FEZ1: variants seen among roughly 807,000 people sequenced by gnomAD.
The protein encoded by FEZ1 is fasciculation and elongation protein zeta 1.
Under a neutral mutation model 49.3 loss-of-function variants are expected in FEZ1, and 20 were observed. That is an observed-to-expected ratio of 0.41 (90% CI 0.29 to 0.59). FEZ1 has a LOEUF of 0.59. Among genes scored for constraint, FEZ1 ranks in the 20% least tolerant of loss-of-function variants. The pLI is 0.36. For synonymous variants in FEZ1, 170 were observed against 180.9 expected (o/e 0.94, Z 0.48); for missense variants, 413 against 476.0 (o/e 0.87, Z 1.23).
intron 1 of FEZ1, among the ~76,000 whole-genome samples, chr11:125,493,526 G>GA (rs1417466836): frequency 6.7e-6 from 1 of 150,138 alleles, no homozygotes; most frequent in African/African-American, 2.5e-5. Flanking sequence ...AAGAAAGAAA[G>GA]AAAGAAAGAA....
rs115447771 is a variant in FEZ1, at chr11:125,485,349, G to A, written c.312-3716C>T. ...CAGAGTATGAGCAAACCCAGTGGAG[G>A]AGGGTGGAGACTGGGGGGTGCCAGG... On this transcript the variant is annotated intron_variant, in intron 2 of 9. Coordinates refer to ENST00000278919, the MANE Select transcript of FEZ1 (RefSeq NM_005103.5). 5.1e-3 allele frequency among the ~76,000 whole-genome samples: 771 copies of A among 152,246 alleles called. 6 individuals are homozygous for A. Among genetic ancestry groups the A allele is most frequent in the Middle Eastern group, 0.027 (8 of 294 alleles).
rs775562587 is a variant in FEZ1, at chr11:125,444,784, G to C, written c.*1311C>G. On this transcript the variant is annotated 3_prime_UTR_variant, in exon 10 of 10. Transcript: ENST00000278919. ...CACTGGATAAGAAACCTAAATGCCA[G>C]CCTGACTCTACCACTTCCTACACAG... 5.3e-5 allele frequency among the ~76,000 whole-genome samples: 8 copies of C among 152,188 alleles called. No homozygotes were observed. Among genetic ancestry groups the C allele is most frequent in the Non-Finnish European group, 1.2e-4 (8 of 68,030 alleles).
chr11:125,490,984 C>A (rs1957375907), intron 1 of FEZ1, among the ~76,000 whole-genome samples: 1 of 152,104 alleles, frequency 6.6e-6, no homozygotes, highest in South Asian at 2.1e-4. Context: ...GAACTCCTGA[C>A]CTCAGGTGAT....
intron 3 of FEZ1, among the ~76,000 whole-genome samples, chr11:125,479,444 C>G (rs987736513): frequency 6.6e-6 from 1 of 152,152 alleles, no homozygotes; most frequent in Non-Finnish European, 1.5e-5. Flanking sequence ...TGTCAAATTT[C>G]CTTCACAACT....
At chr11:125,474,674 G>T (rs1412892134) in intron 3 of FEZ1, among the ~76,000 whole-genome samples, 1 of 152,026 alleles carries the variant, frequency 6.6e-6, no homozygotes, top group Non-Finnish European at 1.5e-5. Flanking sequence ...CGGATCACAA[G>T]GTCAGGAGTT....
intron 1 of FEZ1, among the ~76,000 whole-genome samples, chr11:125,491,595 C>T (rs138496220): frequency 7.8e-4 from 119 of 152,260 alleles, no homozygotes; most frequent in Admixed American, 2.6e-3. Flanking sequence ...TAGTTAGGTG[C>T]TCAAATTGGA....
At chr11:125,449,466 ATAAG>A (rs1176745565) in intron 8 of FEZ1, among the ~76,000 whole-genome samples, 1 of 151,064 alleles carries the variant, frequency 6.6e-6, no homozygotes, top group Non-Finnish European at 1.5e-5. Context: ...GAAAAGAAAA[ATAAG>A]AGAGAGCTAT....
intron 5 of FEZ1, among the ~76,000 whole-genome samples, chr11:125,457,492 GTATA>G (rs745548707): frequency 3.5e-5 from 1 of 28,442 alleles, no homozygotes; most frequent in Non-Finnish European, 8.0e-5. Context: ...ACATATATGT[GTATA>G]TATGTATATA....
intron 8 of FEZ1, among the ~76,000 whole-genome samples, chr11:125,450,029 G>T (rs1200462135): frequency 7.0e-6 from 1 of 143,640 alleles, no homozygotes; most frequent in Admixed American, 7.0e-5. Flanking sequence ...TTTCTTCTGG[G>T]TTTTTTTTTT....
intron 5 of FEZ1, among the ~76,000 whole-genome samples, chr11:125,457,883 C>T (rs1206776717): frequency 2.0e-5 from 3 of 152,144 alleles, no homozygotes; most frequent in Non-Finnish European, 2.9e-5. Flanking sequence ...CTGCTTTGCC[C>T]GGATATTTGC....
At chr11:125,453,405 C>T (rs1334285475) in intron 7 of FEZ1, 1 of 152,158 alleles carries the variant, frequency 6.6e-6, no homozygotes, top group Non-Finnish European at 1.5e-5. Flanking sequence ...TCTCTAGACT[C>T]TCTAGAATTC....
chr11:125,452,309 C>A (rs751491750), intron 8 of FEZ1, 25 bp downstream of exon 8: 1 of 1,508,864 alleles, frequency 6.6e-7, no homozygotes, highest in South Asian at 1.1e-5. Flanking sequence ...AGCCACTGAT[C>A]TGGCTGAGAA....
chr11:125,494,226 C>T (rs1410144285), intron 1 of FEZ1, among the ~76,000 whole-genome samples: 3 of 152,200 alleles, frequency 2.0e-5, no homozygotes. Flanking sequence ...GTGGAAAGAC[C>T]TCAGGCTGTG....
intron 1 of FEZ1, among the ~76,000 whole-genome samples, chr11:125,494,256 G>C (rs1208217367): frequency 6.6e-6 from 1 of 152,216 alleles, no homozygotes; most frequent in Non-Finnish European, 1.5e-5. Flanking sequence ...AGAGTCAGGC[G>C]TTCTGACTGG....
intron 3 of FEZ1, among the ~76,000 whole-genome samples, chr11:125,472,068 T>A (rs922360253): frequency 6.6e-6 from 1 of 152,112 alleles, no homozygotes; most frequent in African/African-American, 2.4e-5. Context: ...TTTAATTGAA[T>A]GATGAAAACA....
rs766934161 is a variant in FEZ1, at chr11:125,462,360, C to CT, written c.498+1123dup. On this transcript the variant is annotated intron_variant, in intron 4 of 9. Coordinates refer to ENST00000278919, the MANE Select transcript of FEZ1 (RefSeq NM_005103.5). Reference sequence around the variant, plus strand: ...TGATCTCAATTGAATGCGAAGCACTCTATCTTTTTTCACAAAGTCGAAGTG... The same window carrying CT: ...TGATCTCAATTGAATGCGAAGCACTCTTATCTTTTTTCACAAAGTCGAAGTG... Among the ~76,000 whole-genome samples, 65 of 152,212 alleles carry CT rather than the reference C, an allele frequency of 4.3e-4. 1 individual carries two copies. Among genetic ancestry groups the CT allele is most frequent in the Non-Finnish European group, 7.5e-4 (51 of 68,038 alleles).
chr11:125,449,417 TAAAAAAAAAAAA>T (rs35920814), intron 8 of FEZ1, among the ~76,000 whole-genome samples: 4 of 27,006 alleles, frequency 1.5e-4, no homozygotes, highest in Admixed American at 7.3e-4. Context: ...TTTGTCTCTA[TAAAAAAAAAAAA>T]AAAAAAAAAA....
chr11:125,455,869 C>T lies in FEZ1; in HGVS notation c.905G>A (p.Ser302Asn), dbSNP rs748073341. 27 of 1,613,990 alleles carry T rather than the reference C, an allele frequency of 1.7e-5. No homozygotes were observed. The highest frequency in any genetic ancestry group is 2.2e-5 in the South Asian group (2 of 91,072). Residue 302 changes from serine to asparagine, a missense_variant, in exon 6 of 10, where the codon AGC becomes AAC. Physicochemically the swap from Ser to Asn is conservative, Grantham distance 46. Transcript: ENST00000278919. ...RKEKGLSLQS[S>N]RIEKGNQMPL... ...CATCTGGTTTCCCTTCTCTATCCGG[C>T]TGCTCTGCAGGCTCAGCCCTTTCTC...
intron 6 of FEZ1, chr11:125,454,415 C>A (rs1224532716): frequency 2.3e-6 from 1 of 425,648 alleles, no homozygotes; most frequent in African/African-American, 2.0e-5. Context: ...GAACTCTTAT[C>A]TTAGTAAGTC....
Sources: allele counts gnomAD v4.1 joint callset (sites outside exome capture counted in the v4.1 genomes callset), GRCh38; gene constraint gnomAD v4.1.1; transcripts MANE v1.5; gene names NCBI Gene and HGNC (gene_info 2026-07-23, HGNC 2026-07-21).